The following STARD13 variants were observed in gnomAD, a reference collection of about 807,000 sequenced individuals.
STARD13 encodes stAR-related lipid transfer protein 13.
In STARD13, 62 loss-of-function variants were observed where a neutral mutation model predicts 106.4. The observed-to-expected ratio is 0.58, with a 90% CI of 0.48 to 0.72. STARD13 has a LOEUF of 0.72. STARD13 is among the 30% of genes least tolerant of loss of function. STARD13 has a pLI of 0.00. For synonymous variants in STARD13, 565 were observed against 553.0 expected, an observed-to-expected ratio of 1.02 and a Z score of -0.31; for missense variants, 1,387 against 1,424.0, an observed-to-expected ratio of 0.97 and a Z score of 0.42.
chr13:33,625,539 C>T, the STARD13 span, among the ~76,000 whole-genome samples: 1 of 151,768 alleles, frequency 6.6e-6, no homozygotes, highest in Admixed American at 6.6e-5. Flanking sequence ...CACTGCACTC[C>T]AGCCTGGCGA....
the STARD13 span, among the ~76,000 whole-genome samples, chr13:33,663,512 G>C: frequency 6.6e-6 from 1 of 152,072 alleles, no homozygotes; most frequent in African/African-American, 2.4e-5. Flanking sequence ...AAAATATAAG[G>C]AAACGCCTTT....
chr13:33,619,730 T>A, the STARD13 span, among the ~76,000 whole-genome samples: 1 of 152,128 alleles, frequency 6.6e-6, no homozygotes, highest in Non-Finnish European at 1.5e-5. Context: ...AATAAGAAGA[T>A]AGATTTGAGC....
At chr13:33,304,311 T>C (rs962851610) in intron 1 of STARD13, among the ~76,000 whole-genome samples, 1 of 152,194 alleles carries the variant, frequency 6.6e-6, no homozygotes, top group African/African-American at 2.4e-5. Flanking sequence ...AAGATTTTAT[T>C]CATTTAGAGG....
At position 33,105,543 on chromosome 13, in the gene STARD13, C is replaced by T. The variant is rs759566839; in HGVS notation, c.*50G>A. The stretch of plus-strand genomic sequence containing the variant: ...TCACATGCACACTCTCTGCCACACT[C>T]GTCACTTTAGCTTCCTCTTCCCTGA... On this transcript the variant is annotated 3_prime_UTR_variant, in exon 14 of 14. Transcript: ENST00000336934. 1.1e-5 allele frequency: 14 copies of T among 1,308,308 alleles called. No individual in the cohort carries two copies. Among genetic ancestry groups the T allele is most frequent in the Middle Eastern group, 1.8e-4 (1 of 5,444 alleles). 81.0% of individuals were successfully genotyped at this position (1,308,308 alleles called of 1,614,324 possible). A position where few individuals can be genotyped will look rare whatever the true frequency, so the allele number is the denominator to read the frequency against.
At chr13:33,339,765 C>T (rs930748260) in intron 1 of STARD13, among the ~76,000 whole-genome samples, 36 of 152,150 alleles carry the variant, frequency 2.4e-4, no homozygotes, top group Non-Finnish European at 3.4e-4. Flanking sequence ...ATATCTACTG[C>T]TTAGGAAATC....
the STARD13 span, among the ~76,000 whole-genome samples, chr13:33,668,580 G>C: frequency 6.6e-6 from 1 of 152,322 alleles, no homozygotes; most frequent in Admixed American, 6.5e-5. Context: ...ATGTGCCCAA[G>C]AGGTAGTCTC....
chr13:33,413,798 G>A, the STARD13 span, among the ~76,000 whole-genome samples: 13 of 152,044 alleles, frequency 8.6e-5, no homozygotes, highest in Admixed American at 7.9e-4. Flanking sequence ...TTGGGAGGTC[G>A]AGGCAGGCAG....
the STARD13 span, among the ~76,000 whole-genome samples, chr13:33,369,869 T>A: frequency 6.6e-6 from 1 of 152,220 alleles, no homozygotes; most frequent in African/African-American, 2.4e-5. Context: ...ATCGATCAGT[T>A]CATAAGCTTT....
the STARD13 span, among the ~76,000 whole-genome samples, chr13:33,643,682 A>G: frequency 6.6e-6 from 1 of 152,268 alleles, no homozygotes; most frequent in East Asian, 1.9e-4. Context: ...AACGGGTGCC[A>G]GTCTGCCATG....
At chr13:33,499,811 C>T in the STARD13 span, among the ~76,000 whole-genome samples, 2 of 134,424 alleles carry the variant, frequency 1.5e-5, no homozygotes, top group Non-Finnish European at 1.5e-5. Context: ...ATTCCCCAGG[C>T]TACAGTGCAG....
At chr13:33,205,935 T>C (rs1887388337) in intron 1 of STARD13, 2 of 985,338 alleles carry the variant, frequency 2.0e-6, no homozygotes, top group African/African-American at 3.5e-5. Context: ...ATGGTGCATC[T>C]GTCACCGAGT....
chr13:33,144,791 C>T (rs993532635), intron 3 of STARD13, among the ~76,000 whole-genome samples: 12 of 152,130 alleles, frequency 7.9e-5, no homozygotes, highest in South Asian at 4.1e-4. Context: ...GGGAGGATTG[C>T]CTGTTATTTA....
the STARD13 span, among the ~76,000 whole-genome samples, chr13:33,653,746 C>T: frequency 2.0e-5 from 3 of 151,200 alleles, no homozygotes; most frequent in Admixed American, 2.0e-4. Context: ...AGATAAACCA[C>T]AAAATTGAGG....
the STARD13 span, among the ~76,000 whole-genome samples, chr13:33,465,391 G>A: frequency 6.6e-6 from 1 of 151,952 alleles, no homozygotes; most frequent in Non-Finnish European, 1.5e-5. Flanking sequence ...ATTTTTAGTA[G>A]AGACGGGAAT....
At chr13:33,581,992 G>A in the STARD13 span, among the ~76,000 whole-genome samples, 2 of 152,096 alleles carry the variant, frequency 1.3e-5, no homozygotes, top group African/African-American at 4.8e-5. Context: ...AGGCCGAGGC[G>A]AGCAGATCAC....
the STARD13 span, among the ~76,000 whole-genome samples, chr13:33,582,557 T>G: frequency 2.0e-5 from 3 of 152,250 alleles, no homozygotes; most frequent in Non-Finnish European, 4.4e-5. Flanking sequence ...CCTGTTAATA[T>G]GTACATGCCA....
At chr13:33,584,533 T>G in the STARD13 span, among the ~76,000 whole-genome samples, 1 of 152,044 alleles carries the variant, frequency 6.6e-6, no homozygotes, top group East Asian at 1.9e-4. Context: ...CCTCTAACAC[T>G]GAGGATTTCA....
At chr13:33,198,807 G>T (rs879909370) in intron 1 of STARD13, among the ~76,000 whole-genome samples, 1 of 152,064 alleles carries the variant, frequency 6.6e-6, no homozygotes, top group Admixed American at 6.6e-5. Context: ...ACCTATAAAT[G>T]GTGCTACTGC....
chr13:33,513,877 C>A, the STARD13 span, among the ~76,000 whole-genome samples: 3 of 152,084 alleles, frequency 2.0e-5, no homozygotes, highest in Non-Finnish European at 4.4e-5. Context: ...AATCCACCAA[C>A]AACTTTATTC....
Sources: gnomAD v4.1 joint callset for allele counts (sites outside exome capture counted in the v4.1 genomes callset) on GRCh38, gnomAD v4.1.1 for gene constraint, MANE v1.5 for transcripts, NCBI Gene and HGNC (gene_info 2026-07-23, HGNC 2026-07-21) for gene names.